The following JCAD variants were observed in gnomAD, a reference collection of about 807,000 sequenced individuals.
JCAD encodes junctional cadherin 5-associated protein.
JCAD carries 40 observed loss-of-function variants against 98.0 expected under a neutral mutation model. That is an observed-to-expected ratio of 0.41 (90% CI 0.32 to 0.53). The LOEUF (loss-of-function observed/expected upper bound fraction) is 0.53, where lower values mean the gene tolerates loss of function less well. Ranked by LOEUF, JCAD falls within the 20% of genes least tolerant of loss-of-function variation. JCAD has a pLI of 0.31. For missense variants in JCAD, 1,705 were observed against 1,738.1 expected (o/e 0.98, Z 0.34); for synonymous variants, 691 against 682.3 (o/e 1.01, Z -0.20).
Position 30,026,721 on chromosome 10 carries a change from C to G in JCAD, c.3427G>C (p.Asp1143His). The change falls in exon 3 of 4, where the codon GAT (aspartate) becomes CAT (histidine). Residue 1143 changes from aspartate to histidine, a missense_variant. Physicochemically the swap from Asp to His is moderately conservative, Grantham distance 81. This residue lies in a region of JCAD where 1,278 missense variants were observed against 1,243.1 expected (regional missense o/e 1.03). Coordinates refer to ENST00000375377, the MANE Select transcript of JCAD (RefSeq NM_020848.4). ...APADVPRVSTDAFYGRRKCGW... is the reference protein window; with the variant it reads ...APADVPRVSTHAFYGRRKCGW... Reference sequence around the variant, plus strand: ...CACTTCCTCCTGCCATAAAAGGCATCAGTGGACACCCTGGGGACATCTGCC... The same window carrying G: ...CACTTCCTCCTGCCATAAAAGGCATGAGTGGACACCCTGGGGACATCTGCC... 1 of 1,614,136 alleles carries G rather than the reference C, an allele frequency of 6.2e-7. No individual in the cohort carries two copies. Among genetic ancestry groups the G allele is most frequent in the Non-Finnish European group, 8.5e-7 (1 of 1,180,012 alleles).
chr10:30,096,247 C>A (rs1180496663), intron 1 of JCAD, among the ~76,000 whole-genome samples: 1 of 152,310 alleles, frequency 6.6e-6, no homozygotes, highest in East Asian at 1.9e-4. Flanking sequence ...CAGACCAACA[C>A]TGATGATGGG....
intron 1 of JCAD, among the ~76,000 whole-genome samples, chr10:30,100,908 A>G (rs1838460676): frequency 6.6e-6 from 1 of 152,146 alleles, no homozygotes; most frequent in African/African-American, 2.4e-5. Context: ...TCAGCCAGAG[A>G]AGTGGGATAA....
chr10:30,055,421 T>C (rs1276204769), intron 1 of JCAD, among the ~76,000 whole-genome samples: 1 of 152,248 alleles, frequency 6.6e-6, no homozygotes, highest in African/African-American at 2.4e-5. Flanking sequence ...TGGAGTATGT[T>C]GCTAACTGAC....
In JCAD at chr10:30,108,137, A is replaced by ACCC. The variant is rs1217625273; in HGVS notation, n.128+7227_128+7229dup. Among the ~76,000 whole-genome samples, 10 of 151,920 alleles carry ACCC rather than the reference A, an allele frequency of 6.6e-5. No individual in the cohort carries two copies. In the East Asian group the frequency reaches 1.9e-3, roughly 30 times the overall value. ...AGACCCGCCTGGCCAACATGGTGAA[A>ACCC]CCCCGTCTCTACTAAAAATACAAAA... On this transcript the variant is annotated intron_variant and non_coding_transcript_variant, in intron 1 of 2. Transcript: ENST00000465712.
At position 30,029,246 on chromosome 10, in the gene JCAD, T is replaced by G. The variant is rs191523028; in HGVS notation, c.902A>C (p.His301Pro). 4 of 1,613,976 alleles carry G rather than the reference T, an allele frequency of 2.5e-6. No homozygotes were observed. Among genetic ancestry groups the G allele is most frequent in the African/African-American group, 2.7e-5 (2 of 74,880 alleles). ...RPLKPPSYSS[H>P]QQSRGGADSS... is the part of the protein sequence containing the mutation. The stretch of plus-strand genomic sequence containing the variant: ...GTCCGCTCCTCCCCTAGACTGCTGG[T>G]GCGAGCTGTAAGATGGGGGCTTGAG... The change falls in exon 3 of 4, where the codon CAC becomes CCC. Residue 301 changes from histidine to proline, a missense_variant. Transcript: ENST00000375377.
rs185939734 is a variant in JCAD, at chr10:30,115,307, G to A, written n.128+60C>T. The A allele has an allele frequency of 2.4e-4, 36 of 152,192 alleles. No individual in the cohort carries two copies. The East Asian group carries it at 6.0e-3, about 25-fold the overall frequency. 9.4% of individuals were successfully genotyped at this position (152,192 alleles called of 1,614,324 possible). The stretch of plus-strand genomic sequence containing the variant: ...CAGCTGCCGTTTTTCAGTGATTACC[G>A]GCCCTATTTTCTTAATCATCCTTTC... On this transcript the variant is annotated intron_variant and non_coding_transcript_variant, in intron 1 of 2. Coordinates refer to the JCAD transcript ENST00000465712.
At chr10:30,066,122 C>T (rs1447046688) in intron 2 of JCAD, among the ~76,000 whole-genome samples, 3 of 152,160 alleles carry the variant, frequency 2.0e-5, no homozygotes, top group Non-Finnish European at 4.4e-5. Flanking sequence ...TAGCCGTGAA[C>T]GTCATTGTAT....
intron 1 of JCAD, among the ~76,000 whole-genome samples, chr10:30,099,115 A>C (rs1435070514): frequency 6.6e-6 from 1 of 152,190 alleles, no homozygotes; most frequent in African/African-American, 2.4e-5. Context: ...TAAACTGTGA[A>C]TCTATTTCTT....
intron 1 of JCAD, among the ~76,000 whole-genome samples, chr10:30,054,826 C>T (rs1381875970): frequency 1.3e-5 from 2 of 151,798 alleles, no homozygotes; most frequent in African/African-American, 2.4e-5. Flanking sequence ...CCCGCCACCT[C>T]GCCCGGCTAA....
chr10:30,092,098 T>TAAATATATA (rs1554802539), intron 1 of JCAD, among the ~76,000 whole-genome samples: 3 of 44,594 alleles, frequency 6.7e-5, no homozygotes, highest in Non-Finnish European at 7.0e-5. Flanking sequence ...TAAAGTTACT[T>TAAATATATA]TATATATATA....
chr10:30,078,534 A>G (rs1168452044), intron 1 of JCAD, among the ~76,000 whole-genome samples: 2 of 152,164 alleles, frequency 1.3e-5, no homozygotes, highest in Non-Finnish European at 2.9e-5. Context: ...GAATGGCTGG[A>G]CAAAAGCGGC....
In JCAD at chr10:30,028,347, T is replaced by C; in HGVS notation, c.1801A>G (p.Asn601Asp). 6.2e-7 allele frequency: 1 copy of C among 1,614,240 alleles called. No homozygotes were observed. ...SHLPDRDMDN[N>D]DLKPSADQKN... ...TGATCAGCACTGGGCTTTAAGTCAT[T>C]GTTGTCCATATCTCTATCTGGCAGA... The change falls in exon 3 of 4, where the codon AAT (asparagine) becomes GAT (aspartate). Residue 601 changes from asparagine to aspartate, a missense_variant. Coordinates refer to ENST00000375377, the MANE Select transcript of JCAD (RefSeq NM_020848.4).
At chr10:30,111,768 T>A (rs1039490513) in intron 1 of JCAD, among the ~76,000 whole-genome samples, 1 of 152,172 alleles carries the variant, frequency 6.6e-6, no homozygotes, top group African/African-American at 2.4e-5. Flanking sequence ...GAGCTCACAC[T>A]TCACACCCAG....
Position 30,033,698 on chromosome 10 carries a change from G to C in JCAD, c.282-3832C>G, listed in dbSNP as rs7908554. Among the ~76,000 whole-genome samples the C allele has an allele frequency of 7.1e-3, 1,085 of 152,322 alleles. 15 individuals carry two copies. Among genetic ancestry groups the C allele is most frequent in the African/African-American group, 0.025 (1,034 of 41,568 alleles). ...AGTCTGCTTTTCAGCTGGTGGCACA[G>C]CAGAGTGAACACAACATGAAACTGG... On this transcript the variant is annotated intron_variant, in intron 2 of 3. Transcript: ENST00000375377.
intron 1 of JCAD, among the ~76,000 whole-genome samples, chr10:30,072,796 T>C (rs1837916153): frequency 6.6e-6 from 1 of 152,104 alleles, no homozygotes; most frequent in African/African-American, 2.4e-5. Flanking sequence ...TGATTACAGG[T>C]GCCTGCCACC....
At chr10:30,020,989 C>T (rs1463261694) in intron 3 of JCAD, among the ~76,000 whole-genome samples, 1 of 152,178 alleles carries the variant, frequency 6.6e-6, no homozygotes, top group Non-Finnish European at 1.5e-5. Flanking sequence ...ACACACACAC[C>T]CTTCGAGACC....
At chr10:30,031,016 G>C in intron 2 of JCAD, among the ~76,000 whole-genome samples, 1 of 151,020 alleles carries the variant, frequency 6.6e-6, no homozygotes, top group East Asian at 1.9e-4. Context: ...CTCTCTGATG[G>C]TAAGCATCAC....
intron 3 of JCAD, 89 bp downstream of exon 3, chr10:30,026,014 G>T: frequency 6.9e-7 from 1 of 1,459,494 alleles, no homozygotes; most frequent in Non-Finnish European, 9.5e-7. Context: ...TGAATATGCA[G>T]ATTTACATTA....
rs554114311 is a variant in JCAD at position 30,097,758 on chromosome 10, G to A, written n.128+17609C>T. Among the ~76,000 whole-genome samples, 61 of 152,014 alleles carry A rather than the reference G, an allele frequency of 4.0e-4. No homozygotes were observed. The East Asian group carries it at 8.1e-3, about 20-fold the overall frequency. On this transcript the variant is annotated intron_variant and non_coding_transcript_variant, in intron 1 of 2. Coordinates refer to the JCAD transcript ENST00000465712. ...AGCCTGGGCGACAGATGGAAACTCC[G>A]TCTCAAAAAATAAATAAATAAATAA...
Sources: allele counts gnomAD v4.1 joint callset (sites outside exome capture counted in the v4.1 genomes callset), GRCh38; gene constraint gnomAD v4.1.1; regional missense constraint gnomAD v4.1.1; transcripts MANE v1.5; gene names NCBI Gene and HGNC (gene_info 2026-07-23, HGNC 2026-07-21).